The following PEX14 variants were observed in gnomAD, a reference collection of about 807,000 sequenced individuals.
The protein encoded by PEX14 is peroxisomal biogenesis factor 14.
In PEX14, 15 loss-of-function variants were observed where a neutral mutation model predicts 49.5. The observed-to-expected ratio is 0.30, with a 90% confidence interval of 0.20 to 0.47. PEX14 has a LOEUF of 0.47. PEX14 is among the 20% of genes least tolerant of loss of function. The pLI, the probability that PEX14 is intolerant of heterozygous loss-of-function variation, is 1.00. For synonymous variants in PEX14, 210 were observed against 212.7 expected (o/e 0.99, Z 0.11); for missense variants, 398 against 494.8 (o/e 0.80, Z 1.86).
chr1:10,564,064 A>G (rs1293743436), intron 3 of PEX14, among the ~76,000 whole-genome samples: 2 of 151,920 alleles, frequency 1.3e-5, no homozygotes, highest in South Asian at 2.1e-4. Flanking sequence ...TTTCAAAAGT[A>G]GTTTTCCTAT....
intron 2 of PEX14, among the ~76,000 whole-genome samples, chr1:10,499,616 T>G (rs11804605): frequency 0.048 from 7,280 of 151,882 alleles, 625 homozygotes; most frequent in African/African-American, 0.17. Context: ...GCCCAGCTAA[T>G]TTTTGTATTT....
intron 3 of PEX14, among the ~76,000 whole-genome samples, chr1:10,545,517 T>C (rs1639143239): frequency 6.6e-6 from 1 of 152,234 alleles, no homozygotes; most frequent in Admixed American, 6.5e-5. Context: ...TTTCTAGTAA[T>C]GAAGCCACTT....
At chr1:10,620,420 G>A (rs1641556099) in intron 5 of PEX14, among the ~76,000 whole-genome samples, 1 of 152,076 alleles carries the variant, frequency 6.6e-6, no homozygotes, top group South Asian at 2.1e-4. Flanking sequence ...CTCGGGAGGT[G>A]GAGGTTGCAG....
Position 10,629,570 on chromosome 1 carries a change from C to G in PEX14, c.717C>G (p.Pro239=). The change falls in exon 9 of 9, where the codon CCC becomes CCG. Residue 239 remains proline, a synonymous_variant. Transcript: ENST00000356607. This position sits in a 1 kb window ranked among gnomAD's most constrained non-coding sequence, Gnocchi z 8.5. ...FPPSPSAPKI[P]SWQIPVKSPS... is the part of the protein sequence containing the mutation. The stretch of plus-strand genomic sequence containing the variant: ...CATCCCCATCAGCCCCGAAGATCCC[C>G]TCCTGGCAGATCCCAGTCAAGTCAC... 6.2e-7 allele frequency: 1 copy of G among 1,614,010 alleles called. No individual in the cohort carries two copies. The highest frequency in any genetic ancestry group is 2.2e-5 in the East Asian group (1 of 44,876).
rs1641536404 is a variant in PEX14 at position 10,495,182 on chromosome 1, G to C, written c.37-92G>C. 2 of 1,573,776 alleles carry C rather than the reference G, an allele frequency of 1.3e-6. No individual in the cohort carries two copies. On this transcript the variant is annotated intron_variant, in intron 1 of 8. Transcript: ENST00000356607. The surrounding 1 kb of genome is among the most constrained non-coding windows in gnomAD (Gnocchi z 4.2). The stretch of plus-strand genomic sequence containing the variant: ...TGAGAGATGTGAGAAAGAGGTGCCA[G>C]CGTGCATCGTTTGAGAACGGAACAT...
intron 3 of PEX14, among the ~76,000 whole-genome samples, chr1:10,580,979 T>A (rs1427857202): frequency 1.3e-5 from 2 of 152,176 alleles, no homozygotes; most frequent in Non-Finnish European, 2.9e-5. Flanking sequence ...AGCCACCTTT[T>A]TTTCTAATTT....
intron 3 of PEX14, among the ~76,000 whole-genome samples, chr1:10,575,297 T>C (rs1192631121): frequency 6.6e-6 from 1 of 152,158 alleles, no homozygotes; most frequent in Non-Finnish European, 1.5e-5. Flanking sequence ...TATAGAAGAA[T>C]TTAAAAACGC....
At chr1:10,480,731 A>G (rs528631127) in intron 1 of PEX14, among the ~76,000 whole-genome samples, 2 of 152,202 alleles carry the variant, frequency 1.3e-5, no homozygotes, top group African/African-American at 4.8e-5. Flanking sequence ...CACGTATAGA[A>G]AAGTTGAAAG....
intron 2 of PEX14, among the ~76,000 whole-genome samples, chr1:10,517,907 A>G (rs1403998307): frequency 6.6e-6 from 1 of 152,028 alleles, no homozygotes; most frequent in Non-Finnish European, 1.5e-5. Context: ...GCCCAATTTG[A>G]ATGCAGTCTA....
chr1:10,624,699 A>G (rs1396339939), intron 7 of PEX14, among the ~76,000 whole-genome samples: 1 of 152,028 alleles, frequency 6.6e-6, no homozygotes, highest in Non-Finnish European at 1.5e-5. Flanking sequence ...AGGAAAAGCT[A>G]CCCTCTGCCT....
At chr1:10,499,698 T>G (rs1048945494) in intron 2 of PEX14, among the ~76,000 whole-genome samples, 7 of 152,094 alleles carry the variant, frequency 4.6e-5, no homozygotes, top group African/African-American at 1.7e-4. Context: ...CTGCCCACCT[T>G]GGCCTCCCAA....
intron 2 of PEX14, among the ~76,000 whole-genome samples, chr1:10,511,076 G>A (rs181756676): frequency 3.1e-4 from 43 of 140,416 alleles, no homozygotes; most frequent in African/African-American, 1.1e-3. Context: ...ATCGTTAAAT[G>A]TGCAGGCAGC....
At chr1:10,558,933 TA>T (rs1639572812) in intron 3 of PEX14, among the ~76,000 whole-genome samples, 1 of 152,120 alleles carries the variant, frequency 6.6e-6, no homozygotes, top group South Asian at 2.1e-4. Flanking sequence ...ATTTTTAATT[TA>T]TTCTTCTTGC....
intron 3 of PEX14, among the ~76,000 whole-genome samples, chr1:10,584,595 A>T (rs780957741): frequency 6.6e-6 from 1 of 152,254 alleles, no homozygotes; most frequent in Non-Finnish European, 1.5e-5. Flanking sequence ...AGCGAGTGTG[A>T]TGAATTTAAC....
rs58295618 is a variant in PEX14, at chr1:10,568,323, T to TCCCCC, written c.170-30904_170-30900dup. ...ACACATATACACAAGTAGATACTCT[T>TCCCCC]CCCCCCCCCCCCCCCACTCCCACTA... On this transcript the variant is annotated intron_variant, in intron 3 of 8. Transcript: ENST00000356607. 7.2e-4 allele frequency among the ~76,000 whole-genome samples: 85 copies of TCCCCC among 118,694 alleles called. 3 individuals carry two copies. Among genetic ancestry groups the TCCCCC allele is most frequent in the African/African-American group, 2.3e-3 (61 of 26,478 alleles). The allele number at this position is 118,694 out of a possible 152,430, so 77.9% of individuals were successfully genotyped here.
At chr1:10,600,190 C>T (rs1467193836) in intron 4 of PEX14, among the ~76,000 whole-genome samples, 4 of 152,154 alleles carry the variant, frequency 2.6e-5, no homozygotes, top group African/African-American at 4.8e-5. Context: ...GAGGCTGAGG[C>T]GGGTGGATCA....
intron 1 of PEX14, among the ~76,000 whole-genome samples, chr1:10,487,372 G>T: frequency 6.8e-6 from 1 of 147,268 alleles, no homozygotes; most frequent in Non-Finnish European, 1.5e-5. Flanking sequence ...ATATAAGATT[G>T]CCATTATTTC....
At chr1:10,481,516 A>C (rs1182448570) in intron 1 of PEX14, among the ~76,000 whole-genome samples, 1 of 151,982 alleles carries the variant, frequency 6.6e-6, no homozygotes, top group Non-Finnish European at 1.5e-5. Context: ...ATCACAGCTC[A>C]CTGTAGCCTT....
chr1:10,531,731 G>C (rs1474908172), intron 2 of PEX14, among the ~76,000 whole-genome samples: 1 of 152,136 alleles, frequency 6.6e-6, no homozygotes, highest in East Asian at 1.9e-4. Flanking sequence ...TGTGTATGTA[G>C]TACACAGGAG....
Sources: allele counts gnomAD v4.1 joint callset (sites outside exome capture counted in the v4.1 genomes callset), GRCh38; gene constraint gnomAD v4.1.1; non-coding constraint Gnocchi (gnomAD v3.1); transcripts MANE v1.5; gene names NCBI Gene and HGNC (gene_info 2026-07-23, HGNC 2026-07-21).